Variants in FBXO34 observed in about 807,000 individuals in gnomAD.
The protein encoded by FBXO34 is F-box only protein 34.
A neutral mutation model predicts 24.5 loss-of-function variants in FBXO34; 12 were observed. The observed-to-expected ratio is 0.49, with a 90% CI of 0.31 to 0.79. The LOEUF (loss-of-function observed/expected upper bound fraction) is 0.79, where lower values mean the gene tolerates loss of function less well. Ranked by LOEUF, FBXO34 falls within the 30% of genes least tolerant of loss-of-function variation. The probability of loss-of-function intolerance (pLI) is 0.04; values close to 1 mark genes in which losing one functional copy is unlikely to be tolerated. For missense variants in FBXO34, 823 were observed against 857.7 expected (o/e 0.96, Z 0.51); for synonymous variants, 320 against 311.9 (o/e 1.03, Z -0.27).
intron 1 of FBXO34, among the ~76,000 whole-genome samples, chr14:55,307,876 G>A (rs915646807): frequency 2.0e-5 from 3 of 152,120 alleles, no homozygotes; most frequent in African/African-American, 4.8e-5. Context: ...TACTGATTCA[G>A]AAATGGAGGA....
Position 55,350,466 on chromosome 14 carries a change from C to G in FBXO34, c.76C>G (p.Pro26Ala). 2 of 1,613,450 alleles carry G rather than the reference C, an allele frequency of 1.2e-6. No individual in the cohort carries two copies. Among genetic ancestry groups the G allele is most frequent in the Non-Finnish European group, 1.7e-6 (2 of 1,179,798 alleles). ...AGTCAGCAGGGAAACGCAGAGAACTCCTATGAACCACCAAAAGGCTGTAAA... is the reference window on the plus strand; with the variant it reads ...AGTCAGCAGGGAAACGCAGAGAACTGCTATGAACCACCAAAAGGCTGTAAA... ...PEVSRETQRT[P>A]MNHQKAVNDE... is the part of the protein sequence containing the mutation. Residue 26 changes from proline to alanine, a missense_variant, in exon 2 of 2, where the codon CCT (proline) becomes GCT (alanine). Physicochemically the swap from Pro to Ala is conservative, Grantham distance 27. Coordinates refer to ENST00000313833, the MANE Select transcript of FBXO34 (RefSeq NM_017943.4).
At chr14:55,327,433 G>C (rs1382695922) in intron 1 of FBXO34, among the ~76,000 whole-genome samples, 2 of 152,208 alleles carry the variant, frequency 1.3e-5, no homozygotes, top group Non-Finnish European at 2.9e-5. Context: ...GTGCAGGTGA[G>C]AAATGGTGGT....
the FBXO34 span, among the ~76,000 whole-genome samples, chr14:55,379,311 G>T: frequency 1.3e-5 from 2 of 152,182 alleles, no homozygotes; most frequent in East Asian, 3.9e-4. Flanking sequence ...AGAGGAGGGC[G>T]GATCGCTTGA....
chr14:55,359,207 C>T (rs1366198674), intron 3 of FBXO34, among the ~76,000 whole-genome samples: 1 of 152,096 alleles, frequency 6.6e-6, no homozygotes, highest in East Asian at 1.9e-4. Context: ...AAGCCTCCCC[C>T]CAGCTCTTCT....
the FBXO34 span, among the ~76,000 whole-genome samples, chr14:55,442,657 G>T: frequency 6.6e-6 from 1 of 152,114 alleles, no homozygotes; most frequent in African/African-American, 2.4e-5. Context: ...TGATGAGATT[G>T]GAATTTCATA....
chr14:55,365,585 C>T (rs770378245), downstream of FBXO34, among the ~76,000 whole-genome samples: 1 of 152,102 alleles, frequency 6.6e-6, no homozygotes, highest in Admixed American at 6.5e-5. Context: ...TAATTCCTCC[C>T]AATCTGTTTC....
the FBXO34 span, among the ~76,000 whole-genome samples, chr14:55,441,819 G>C: frequency 6.6e-6 from 1 of 151,746 alleles, no homozygotes; most frequent in South Asian, 2.1e-4. Flanking sequence ...ACCCAGGCTG[G>C]AGTGCAGATC....
chr14:55,368,956 T>G (rs1884747232), downstream of FBXO34: 1 of 152,632 alleles, frequency 6.6e-6, no homozygotes, highest in Non-Finnish European at 1.5e-5. Context: ...CTTCCATTTA[T>G]GGATGTGGGT....
intron 1 of FBXO34, among the ~76,000 whole-genome samples, chr14:55,280,772 C>T (rs566496778): frequency 2.0e-5 from 3 of 152,080 alleles, no homozygotes; most frequent in South Asian, 2.1e-4. Context: ...GTGATCCTCC[C>T]GCCTCAGCCT....
At chr14:55,379,450 G>C in the FBXO34 span, among the ~76,000 whole-genome samples, 2 of 152,152 alleles carry the variant, frequency 1.3e-5, no homozygotes, top group Non-Finnish European at 2.9e-5. Context: ...GCTGAGGTGG[G>C]AGGATTGCTT....
chr14:55,308,336 T>C (rs1406494007), intron 1 of FBXO34, among the ~76,000 whole-genome samples: 1 of 152,238 alleles, frequency 6.6e-6, no homozygotes, highest in African/African-American at 2.4e-5. Context: ...AGGTATTTAA[T>C]GTATGAAATA....
chr14:55,307,852 A>G (rs1882605788), intron 1 of FBXO34, among the ~76,000 whole-genome samples: 1 of 152,198 alleles, frequency 6.6e-6, no homozygotes. Context: ...GACTGTTAGC[A>G]TTTATTCCCA....
chr14:55,427,658 C>T, the FBXO34 span, among the ~76,000 whole-genome samples: 1 of 152,062 alleles, frequency 6.6e-6, no homozygotes, highest in African/African-American at 2.4e-5. Context: ...GTCCATGAGT[C>T]ACCCTCCATC....
chr14:55,283,986 GTGTATGTGTA>G (rs1301447856), intron 1 of FBXO34, among the ~76,000 whole-genome samples: 6 of 150,406 alleles, frequency 4.0e-5, no homozygotes, highest in African/African-American at 1.2e-4. Flanking sequence ...CTGTGTGTGT[GTGTATGTGTA>G]TGTATGTGTA....
At chr14:55,382,992 AT>A in the FBXO34 span, among the ~76,000 whole-genome samples, 1 of 152,246 alleles carries the variant, frequency 6.6e-6, no homozygotes, top group South Asian at 2.1e-4. Flanking sequence ...ACTGTTTTAC[AT>A]TTTTTAAACT....
intron 1 of FBXO34, among the ~76,000 whole-genome samples, chr14:55,310,227 CATAAAGGTTTGA>C (rs1245427923): frequency 6.6e-6 from 1 of 152,076 alleles, no homozygotes; most frequent in African/African-American, 2.4e-5. Context: ...GGAGTGTGAA[CATAAAGGTTTGA>C]ATAAGACCAA....
chr14:55,414,358 G>A, the FBXO34 span: 2 of 1,559,906 alleles, frequency 1.3e-6, no homozygotes, highest in Non-Finnish European at 1.7e-6. Context: ...CCAGAATAAT[G>A]TGAGATGCTG....
the FBXO34 span, chr14:55,390,851 T>A: frequency 1.7e-6 from 2 of 1,169,306 alleles, no homozygotes; most frequent in Non-Finnish European, 2.5e-6. Context: ...AGTTTATTAA[T>A]CCCATGAAAT....
the FBXO34 span, among the ~76,000 whole-genome samples, chr14:55,387,214 G>A: frequency 1.2e-4 from 18 of 152,192 alleles, 1 homozygote; most frequent in South Asian, 6.2e-4. Flanking sequence ...TCAGCCTCAA[G>A]GCCTCCTCCA....
Sources: allele counts gnomAD v4.1 joint callset (sites outside exome capture counted in the v4.1 genomes callset), GRCh38; gene constraint gnomAD v4.1.1; transcripts MANE v1.5; gene names NCBI Gene and HGNC (gene_info 2026-07-23, HGNC 2026-07-21).